The following CPED1 variants were observed in gnomAD, a reference collection of about 807,000 sequenced individuals.
CPED1 encodes cadherin-like and PC-esterase domain-containing protein 1.
CPED1 carries 114 observed loss-of-function variants against 128.2 expected under a neutral mutation model. The ratio of observed to expected loss-of-function variants is 0.89; its 90% CI spans 0.76 to 1.04. The LOEUF is 1.04. Ranked by LOEUF, CPED1 falls within the 50% of genes least tolerant of loss-of-function variation. CPED1 has a pLI of 0.00. For synonymous variants in CPED1, 462 were observed against 426.7 expected (o/e 1.08, Z -1.02); for missense variants, 1,211 against 1,207.1 (o/e 1.00, Z -0.05).
intron 2 of CPED1, among the ~76,000 whole-genome samples, chr7:121,011,132 G>T (rs10258025): frequency 0.75 from 113,767 of 151,898 alleles, 43,119 homozygotes; most frequent in East Asian, 0.9. Flanking sequence ...TACTATATGA[G>T]TTGTATTTGA....
At chr7:121,132,223 TG>T (rs1171896905) in intron 12 of CPED1, among the ~76,000 whole-genome samples, 2 of 152,018 alleles carry the variant, frequency 1.3e-5, no homozygotes, top group Non-Finnish European at 2.9e-5. Context: ...GCTAATAAGA[TG>T]GGTTGTTTGT....
At chr7:121,154,992 A>C (rs555984030) in intron 16 of CPED1, among the ~76,000 whole-genome samples, 55 of 152,336 alleles carry the variant, frequency 3.6e-4, no homozygotes, top group African/African-American at 7.9e-4. Context: ...CTATCAAAAA[A>C]CTTAGAGTTG....
chr7:121,263,314 C>T (rs116899926), intron 18 of CPED1, among the ~76,000 whole-genome samples: 8 of 152,202 alleles, frequency 5.3e-5, no homozygotes, highest in Admixed American at 3.9e-4. Context: ...AGAGAAATAG[C>T]TGTGACTTAG....
intron 16 of CPED1, among the ~76,000 whole-genome samples, chr7:121,200,762 T>C (rs952923553): frequency 1.3e-5 from 2 of 151,954 alleles, no homozygotes; most frequent in Non-Finnish European, 2.9e-5. Flanking sequence ...TACAGACCAG[T>C]GCAAAGTGGG....
At chr7:121,008,651 C>T (rs1792085872) in intron 2 of CPED1, among the ~76,000 whole-genome samples, 1 of 146,776 alleles carries the variant, frequency 6.8e-6, no homozygotes, top group African/African-American at 2.5e-5. Context: ...AAAGACTAAT[C>T]ACCAAATCAT....
At chr7:121,241,168 C>A (rs1488108020) in intron 17 of CPED1, among the ~76,000 whole-genome samples, 2 of 101,426 alleles carry the variant, frequency 2.0e-5, no homozygotes, top group East Asian at 4.3e-4. Context: ...ACGGTGAAAC[C>A]CCGTCTCTAC....
chr7:121,180,050 C>T (rs1796867523), intron 16 of CPED1, among the ~76,000 whole-genome samples: 1 of 152,014 alleles, frequency 6.6e-6, no homozygotes, highest in African/African-American at 2.4e-5. Context: ...AAGTACACAT[C>T]ATTTGACTAT....
At chr7:121,097,576 G>C in intron 5 of CPED1, 123 bp from the exon 6 acceptor site, 1 of 1,052,296 alleles carries the variant, frequency 9.5e-7, no homozygotes, top group Non-Finnish European at 1.4e-6. Flanking sequence ...ATTCAGAATG[G>C]GGAGAAAAAT....
At chr7:121,292,564 G>A (rs1246380434) in intron 22 of CPED1, among the ~76,000 whole-genome samples, 1 of 151,948 alleles carries the variant, frequency 6.6e-6, no homozygotes, top group Non-Finnish European at 1.5e-5. Context: ...CCTTGCTGGC[G>A]AGGAGTTGCG....
chr7:121,153,020 A>T (rs1796194110), intron 16 of CPED1, among the ~76,000 whole-genome samples: 1 of 152,162 alleles, frequency 6.6e-6, no homozygotes, highest in African/African-American at 2.4e-5. Context: ...ATTATTTAAC[A>T]ATAAGAGAGA....
chr7:121,288,339 C>A (rs1421922534), intron 22 of CPED1, among the ~76,000 whole-genome samples: 3 of 152,128 alleles, frequency 2.0e-5, no homozygotes, highest in African/African-American at 7.2e-5. Context: ...TTGGGCCAGC[C>A]ACTGGCCTGG....
chr7:121,068,131 T>G (rs1793892667), intron 5 of CPED1, among the ~76,000 whole-genome samples: 1 of 152,246 alleles, frequency 6.6e-6, no homozygotes, highest in African/African-American at 2.4e-5. Context: ...AGATCCCATT[T>G]GTCAATTTTG....
At chr7:121,231,755 T>C (rs1798145986) in intron 16 of CPED1, among the ~76,000 whole-genome samples, 1 of 151,996 alleles carries the variant, frequency 6.6e-6, no homozygotes, top group Non-Finnish European at 1.5e-5. Flanking sequence ...ATCATGGGAA[T>C]GGAAGTTCTG....
At chr7:121,026,785 G>T (rs1792598284) in intron 3 of CPED1, among the ~76,000 whole-genome samples, 1 of 147,010 alleles carries the variant, frequency 6.8e-6, no homozygotes. Flanking sequence ...GCCTTGCATT[G>T]ATGTTGAGGT....
In CPED1 at chr7:121,199,816, C is replaced by T. The variant is rs1797355190; in HGVS notation, c.2056-36898C>T. 4.0e-5 allele frequency among the ~76,000 whole-genome samples: 6 copies of T among 151,840 alleles called. 1 individual carries two copies. The South Asian group carries it at 1.2e-3, about 32-fold the overall frequency. Reference sequence around the variant, plus strand: ...ACCACATACGTAATTTTAAATTTTCCTGTAGCCACATTTTTTAAAAAAGTA... The same window carrying T: ...ACCACATACGTAATTTTAAATTTTCTTGTAGCCACATTTTTTAAAAAAGTA... On this transcript the variant is annotated intron_variant, in intron 16 of 22. Transcript: ENST00000310396.
At chr7:121,119,607 C>T (rs541769483) in intron 7 of CPED1, among the ~76,000 whole-genome samples, 5 of 150,858 alleles carry the variant, frequency 3.3e-5, no homozygotes, top group South Asian at 4.2e-4. Context: ...GGGCGGATCA[C>T]GAGGTCAGGA....
At chr7:121,013,979 G>A (rs1288783255) in intron 2 of CPED1, among the ~76,000 whole-genome samples, 1 of 152,198 alleles carries the variant, frequency 6.6e-6, no homozygotes, top group African/African-American at 2.4e-5. Flanking sequence ...GGCTGTTAAA[G>A]GGCTGATATG....
rs138637508 is a variant in CPED1, at chr7:121,174,921, C to T, written c.2055+32780C>T. 1.7e-4 allele frequency among the ~76,000 whole-genome samples: 26 copies of T among 152,108 alleles called. 1 individual carries two copies. The East Asian group carries it at 3.5e-3, about 20-fold the overall frequency. The stretch of plus-strand genomic sequence containing the variant: ...TATTTGAGCAGTGTTTTGTGATTCT[C>T]ATTGTAGAGATCATTCACCTCCCTG... On this transcript the variant is annotated intron_variant, in intron 16 of 22. Coordinates refer to ENST00000310396, the MANE Select transcript of CPED1 (RefSeq NM_024913.5).
intron 16 of CPED1, among the ~76,000 whole-genome samples, chr7:121,165,384 A>G (rs188276699): frequency 1.5e-3 from 232 of 152,294 alleles, no homozygotes; most frequent in Non-Finnish European, 2.6e-3. Flanking sequence ...TTAGAAACTC[A>G]TTAACTGACC....
Sources: gnomAD v4.1 joint callset for allele counts (sites outside exome capture counted in the v4.1 genomes callset) on GRCh38, gnomAD v4.1.1 for gene constraint, MANE v1.5 for transcripts, NCBI Gene and HGNC (gene_info 2026-07-23, HGNC 2026-07-21) for gene names.